Variants in PPP2R5C observed in about 807,000 individuals in gnomAD.
PPP2R5C encodes the protein serine/threonine-protein phosphatase 2A 56 kDa regulatory subunit gamma isoform.
PPP2R5C carries 7 observed loss-of-function variants against 68.9 expected under a neutral mutation model. The observed-to-expected ratio is 0.10, with a 90% CI of 0.06 to 0.19. PPP2R5C has a LOEUF of 0.19. Among genes scored for constraint, PPP2R5C ranks in the 10% least tolerant of loss-of-function variants. The probability of loss-of-function intolerance (pLI) is 1.00; values close to 1 mark genes in which losing one functional copy is unlikely to be tolerated. For missense variants in PPP2R5C, 348 were observed against 641.3 expected (o/e 0.54, Z 4.94); for synonymous variants, 210 against 222.2 (o/e 0.95, Z 0.49).
intron 5 of PPP2R5C, chr14:101,889,978 C>T: frequency 3.5e-6 from 2 of 578,728 alleles, no homozygotes; most frequent in South Asian, 1.5e-5. Flanking sequence ...TTCCGTTTTC[C>T]TAGATGCTTG....
intron 1 of PPP2R5C, among the ~76,000 whole-genome samples, chr14:101,838,806 G>A (rs944145046): frequency 4.6e-4 from 70 of 152,344 alleles, no homozygotes; most frequent in African/African-American, 1.6e-3. Context: ...CACTCTGGGA[G>A]GCCAAGGCAG....
At chr14:101,789,073 C>T (rs1381262738) in intron 3 of PPP2R5C, among the ~76,000 whole-genome samples, 1 of 152,166 alleles carries the variant, frequency 6.6e-6, no homozygotes, top group Non-Finnish European at 1.5e-5. Flanking sequence ...TTGCCGTCAC[C>T]TTACCACATT....
chr14:101,874,575 A>G (rs1466594285), intron 2 of PPP2R5C, among the ~76,000 whole-genome samples: 4 of 152,220 alleles, frequency 2.6e-5, no homozygotes, highest in African/African-American at 9.6e-5. Context: ...TAAATATTCT[A>G]AACTCAAAAA....
chr14:101,772,557 G>T (rs866911938), intron 2 of PPP2R5C, among the ~76,000 whole-genome samples: 1 of 152,160 alleles, frequency 6.6e-6, no homozygotes, highest in African/African-American at 2.4e-5. Flanking sequence ...CACTTTGGGA[G>T]GCCGAGTCGG....
intron 5 of PPP2R5C, among the ~76,000 whole-genome samples, chr14:101,885,284 C>G (rs986139508): frequency 6.6e-6 from 1 of 152,106 alleles, no homozygotes; most frequent in Non-Finnish European, 1.5e-5. Context: ...GCAGATGAGA[C>G]CCCCCCTGCC....
At chr14:101,926,771 G>C (rs1034142204) in exon 14 of PPP2R5C, 1 of 152,164 alleles carries the variant, frequency 6.6e-6, no homozygotes, top group African/African-American at 2.4e-5. Flanking sequence ...TCCTTGTGCA[G>C]CTCTGGTACC....
chr14:101,762,686 C>T (rs928637917), intron 1 of PPP2R5C, among the ~76,000 whole-genome samples: 1 of 152,008 alleles, frequency 6.6e-6, no homozygotes, highest in African/African-American at 2.4e-5. Context: ...AAGTTTTCAA[C>T]CTCAAATGCA....
intron 2 of PPP2R5C, 142 bp from the exon 3 acceptor site, chr14:101,785,876 C>G (rs1382519950): frequency 1.5e-6 from 1 of 688,398 alleles, no homozygotes; most frequent in Admixed American, 4.0e-5. Context: ...CATACTCCAG[C>G]CACTCTAAGG....
At chr14:101,815,694 G>T (rs2039616693) in intron 1 of PPP2R5C, among the ~76,000 whole-genome samples, 1 of 152,118 alleles carries the variant, frequency 6.6e-6, no homozygotes, top group African/African-American at 2.4e-5. Flanking sequence ...TTTTGAGTTG[G>T]AGTCTCGCTT....
rs1213548628 is a variant in PPP2R5C at position 101,785,021 on chromosome 14, C to T, written c.94-997C>T. On this transcript the variant is annotated intron_variant, in intron 2 of 14. Transcript: ENST00000328724. Reference sequence around the variant, plus strand: ...ATCTTCAGACTCTTCTCCACCTCTGCTGAGTAGTTCAGTTGGCAGCGTTGC... The same window carrying T: ...ATCTTCAGACTCTTCTCCACCTCTGTTGAGTAGTTCAGTTGGCAGCGTTGC... Among the ~76,000 whole-genome samples, 3 of 152,196 alleles carry T rather than the reference C, an allele frequency of 2.0e-5. No individual in the cohort carries two copies. The South Asian group carries it at 6.2e-4, about 32-fold the overall frequency.
chr14:101,802,427 A>G (rs1244931400), intron 3 of PPP2R5C, among the ~76,000 whole-genome samples: 1 of 152,130 alleles, frequency 6.6e-6, no homozygotes, highest in Non-Finnish European at 1.5e-5. Context: ...AAAAATAAAA[A>G]TAAAGAATGA....
At chr14:101,864,383 G>A (rs1433975872) in intron 2 of PPP2R5C, among the ~76,000 whole-genome samples, 2 of 152,084 alleles carry the variant, frequency 1.3e-5, no homozygotes, top group Non-Finnish European at 2.9e-5. Context: ...CAAGAAATGT[G>A]TATTGCAGAC....
At chr14:101,908,825 T>G (rs1221011648) in intron 10 of PPP2R5C, among the ~76,000 whole-genome samples, 1 of 152,188 alleles carries the variant, frequency 6.6e-6, no homozygotes, top group Non-Finnish European at 1.5e-5. Flanking sequence ...AAAAATGTTC[T>G]TTTAAGTGTT....
chr14:101,813,595 A>C (rs1000072601), intron 1 of PPP2R5C, among the ~76,000 whole-genome samples: 1 of 152,250 alleles, frequency 6.6e-6, no homozygotes, highest in African/African-American at 2.4e-5. Flanking sequence ...TGCTCACTTC[A>C]GGAGCCAGGT....
At chr14:101,865,458 G>C (rs1373116323) in intron 2 of PPP2R5C, among the ~76,000 whole-genome samples, 1 of 152,212 alleles carries the variant, frequency 6.6e-6, no homozygotes, top group African/African-American at 2.4e-5. Flanking sequence ...TAACTAGGGA[G>C]ATGGGGTACT....
rs182219474 is a variant in PPP2R5C, at chr14:101,908,642, G to A, written c.1152-947G>A. Among the ~76,000 whole-genome samples, 713 of 152,052 alleles carry A rather than the reference G, an allele frequency of 4.7e-3. 10 individuals are homozygous for A. The highest frequency in any genetic ancestry group is 0.016 in the African/African-American group (667 of 41,472). On this transcript the variant is annotated intron_variant, in intron 10 of 13. Transcript: ENST00000334743. ...ACCCGCCTCAGCCTCCCACGGTGCC[G>A]GGACTACAGGTGTGAGCCACCGCGC...
chr14:101,800,937 G>T (rs971174260), intron 3 of PPP2R5C, among the ~76,000 whole-genome samples: 12 of 152,212 alleles, frequency 7.9e-5, no homozygotes, highest in African/African-American at 2.9e-4. Flanking sequence ...GATGGAACCA[G>T]AGGTGATTGT....
chr14:101,878,531 G>A (rs1595450088), intron 2 of PPP2R5C, among the ~76,000 whole-genome samples: 1 of 152,160 alleles, frequency 6.6e-6, no homozygotes, highest in Admixed American at 6.5e-5. Flanking sequence ...CAGCTGACTG[G>A]GTGCCTCAGT....
At chr14:101,776,336 A>G (rs1443148632) in intron 2 of PPP2R5C, among the ~76,000 whole-genome samples, 1 of 152,096 alleles carries the variant, frequency 6.6e-6, no homozygotes, top group Non-Finnish European at 1.5e-5. Flanking sequence ...GGGAAGAATC[A>G]AGTCCTTTTT....
Sources: allele counts gnomAD v4.1 joint callset (sites outside exome capture counted in the v4.1 genomes callset), GRCh38; gene constraint gnomAD v4.1.1; transcripts MANE v1.5; gene names NCBI Gene and HGNC (gene_info 2026-07-23, HGNC 2026-07-21).